The following ARID5B variants were observed in gnomAD, a reference collection of about 807,000 sequenced individuals.
The protein encoded by ARID5B is AT-rich interactive domain-containing protein 5B.
A neutral mutation model predicts 97.2 loss-of-function variants in ARID5B; 13 were observed. The observed-to-expected ratio is 0.13, with a 90% CI of 0.09 to 0.21. The LOEUF (loss-of-function observed/expected upper bound fraction) is 0.21, where lower values mean the gene tolerates loss of function less well. ARID5B is among the 10% of genes least tolerant of loss of function. ARID5B has a pLI of 1.00. For missense variants in ARID5B, 1,210 were observed against 1,465.3 expected, an observed-to-expected ratio of 0.83 and a Z score of 2.84; for synonymous variants, 556 against 570.3, an observed-to-expected ratio of 0.97 and a Z score of 0.36.
chr10:62,032,588 G>T (rs978020261), intron 4 of ARID5B, among the ~76,000 whole-genome samples: 1 of 152,046 alleles, frequency 6.6e-6, no homozygotes, highest in Non-Finnish European at 1.5e-5. Flanking sequence ...GGTGATGGGC[G>T]CCTGTAATCC....
At chr10:61,925,733 G>C (rs896510496) in intron 2 of ARID5B, among the ~76,000 whole-genome samples, 8 of 152,234 alleles carry the variant, frequency 5.3e-5, no homozygotes, top group African/African-American at 1.4e-4. Flanking sequence ...GAGATGGTCA[G>C]GGGAGCAGGC....
At chr10:61,941,146 T>TA (rs919752348) in intron 3 of ARID5B, among the ~76,000 whole-genome samples, 2 of 150,624 alleles carry the variant, frequency 1.3e-5, no homozygotes, top group African/African-American at 4.9e-5. Flanking sequence ...TTTCCCCATC[T>TA]AAAAAATAGG....
At chr10:62,015,718 G>T (rs913403638) in intron 4 of ARID5B, among the ~76,000 whole-genome samples, 1 of 152,112 alleles carries the variant, frequency 6.6e-6, no homozygotes, top group African/African-American at 2.4e-5. Flanking sequence ...CCGCCTCCCG[G>T]GTTCAAGAGA....
chr10:62,075,028 A>T (rs1286528932), intron 8 of ARID5B, among the ~76,000 whole-genome samples: 1 of 152,234 alleles, frequency 6.6e-6, no homozygotes, highest in African/African-American at 2.4e-5. Flanking sequence ...TCAGATGGGA[A>T]ATTTAGAAAA....
chr10:62,069,696 T>G lies in ARID5B; in HGVS notation c.1102-4T>G. On this transcript the variant is annotated splice_polypyrimidine_tract_variant and splice_region_variant and intron_variant, in intron 7 of 9. Coordinates refer to ENST00000279873, the MANE Select transcript of ARID5B (RefSeq NM_032199.3). ...GATTGAATTTCCCATTGCCATTTTTTCAGATAACAGCCCGCCGTCAGTGGA... is the reference window on the plus strand; with the variant it reads ...GATTGAATTTCCCATTGCCATTTTTGCAGATAACAGCCCGCCGTCAGTGGA... 1.2e-6 allele frequency: 2 copies of G among 1,613,988 alleles called. No individual in the cohort carries two copies. Among genetic ancestry groups the G allele is most frequent in the Non-Finnish European group, 8.5e-7 (1 of 1,179,870 alleles).
Position 62,057,283 on chromosome 10 carries a change from C to T in ARID5B, c.1013C>T (p.Pro338Leu). 1 of 1,613,466 alleles carries T rather than the reference C, an allele frequency of 6.2e-7. No individual in the cohort carries two copies. Among genetic ancestry groups the T allele is most frequent in the Non-Finnish European group, 8.5e-7 (1 of 1,179,652 alleles). ...AAATACATGAAAGAAAGGAAAACGCCGATAGAACGAATACCCTATTTAGGT... is the reference window on the plus strand; with the variant it reads ...AAATACATGAAAGAAAGGAAAACGCTGATAGAACGAATACCCTATTTAGGT... ...LYKYMKERKT[P>L]IERIPYLGFK... Residue 338 changes from proline (P) to leucine (L), a missense_variant, in exon 6 of 10, where the codon CCG becomes CTG. Transcript: ENST00000279873.
intron 2 of ARID5B, among the ~76,000 whole-genome samples, chr10:61,924,672 C>A (rs1044884844): frequency 6.6e-6 from 1 of 152,134 alleles, no homozygotes; most frequent in Non-Finnish European, 1.5e-5. Flanking sequence ...AAGATTTACT[C>A]GGTTTGTACA....
rs1228185087 is a variant in ARID5B, at chr10:62,096,220, T to G, written c.*3190T>G. The stretch of plus-strand genomic sequence containing the variant: ...AAACTCGATGTTAACTTTACAACTT[T>G]CTGACCTGGTGCATGAATTCTCAAG... On this transcript the variant is annotated 3_prime_UTR_variant, in exon 10 of 10. Transcript: ENST00000279873. 10 of 233,718 alleles carry G rather than the reference T, an allele frequency of 4.3e-5. No homozygotes were observed. The highest frequency in any genetic ancestry group is 6.0e-5 in the East Asian group (1 of 16,574). The allele number at this position is 233,718 out of a possible 1,614,324, so 14.5% of individuals were successfully genotyped here. A position where few individuals can be genotyped will look rare whatever the true frequency, so the allele number is the denominator to read the frequency against.
intron 4 of ARID5B, among the ~76,000 whole-genome samples, chr10:62,005,164 C>G (rs1249836632): frequency 6.6e-6 from 1 of 152,176 alleles, no homozygotes; most frequent in Admixed American, 6.5e-5. Flanking sequence ...TATGAAAATA[C>G]ACATTCTGCT....
chr10:62,040,663 T>C (rs930005225), intron 4 of ARID5B, among the ~76,000 whole-genome samples: 1 of 152,234 alleles, frequency 6.6e-6, no homozygotes, highest in African/African-American at 2.4e-5. Flanking sequence ...TTAATTTTAA[T>C]AATATATTTT....
intron 7 of ARID5B, among the ~76,000 whole-genome samples, chr10:62,061,657 G>C (rs1220555945): frequency 6.6e-6 from 1 of 152,184 alleles, no homozygotes. Flanking sequence ...CCCCATCTCT[G>C]GTGATAAGAG....
At chr10:62,020,255 A>C (rs968786622) in intron 4 of ARID5B, among the ~76,000 whole-genome samples, 3 of 152,226 alleles carry the variant, frequency 2.0e-5, no homozygotes, top group Non-Finnish European at 4.4e-5. Flanking sequence ...AGTTTTACAA[A>C]GAATGAAAAC....
chr10:62,078,896 C>T (rs1355544998), intron 8 of ARID5B, among the ~76,000 whole-genome samples: 5 of 152,156 alleles, frequency 3.3e-5, no homozygotes, highest in Non-Finnish European at 2.9e-5. Context: ...TCTTACCATC[C>T]GATATTAAGT....
At chr10:62,007,208 A>C (rs752655782) in intron 4 of ARID5B, among the ~76,000 whole-genome samples, 2 of 152,146 alleles carry the variant, frequency 1.3e-5, no homozygotes, top group African/African-American at 4.8e-5. Context: ...CTCCTTGATA[A>C]ATGAAGATTC....
intron 3 of ARID5B, among the ~76,000 whole-genome samples, chr10:61,994,371 G>A (rs2132859658): frequency 6.6e-6 from 1 of 152,190 alleles, no homozygotes. Context: ...GAAAAAGAAA[G>A]TTACATTTCT....
intron 7 of ARID5B, among the ~76,000 whole-genome samples, chr10:62,062,705 A>C (rs377734329): frequency 7.0e-5 from 10 of 142,678 alleles, no homozygotes; most frequent in Non-Finnish European, 1.2e-4. Context: ...TCAGTAAACT[A>C]TTTTTGTTTT....
chr10:61,966,438 T>C (rs1328788788), intron 3 of ARID5B, among the ~76,000 whole-genome samples: 1 of 152,158 alleles, frequency 6.6e-6, no homozygotes, highest in Non-Finnish European at 1.5e-5. Context: ...ATTGCAAAAA[T>C]TCAATCTAAT....
At chr10:61,989,208 C>T (rs1317111053) in intron 3 of ARID5B, among the ~76,000 whole-genome samples, 8 of 152,066 alleles carry the variant, frequency 5.3e-5, no homozygotes, top group Non-Finnish European at 8.8e-5. Context: ...GGATTACAGG[C>T]GTGAGCCACC....
chr10:62,010,051 G>A (rs10995001), intron 4 of ARID5B, among the ~76,000 whole-genome samples: 3,606 of 152,232 alleles, frequency 0.024, 205 homozygotes, highest in Admixed American at 0.14. Flanking sequence ...ATATTCCCCC[G>A]AGGGAGTGAG....
Sources: gnomAD v4.1 joint callset for allele counts (sites outside exome capture counted in the v4.1 genomes callset) on GRCh38, gnomAD v4.1.1 for gene constraint, MANE v1.5 for transcripts, NCBI Gene and HGNC (gene_info 2026-07-23, HGNC 2026-07-21) for gene names.